RASGRP1: variants seen among roughly 807,000 people sequenced by gnomAD.
RASGRP1 encodes RAS guanyl releasing protein 1, also known as RAS guanyl-releasing protein 1.
Under a neutral mutation model 95.1 loss-of-function variants are expected in RASGRP1, and 37 were observed. The ratio of observed to expected loss-of-function variants is 0.39; its 90% CI spans 0.30 to 0.51. The LOEUF is 0.51. RASGRP1 is among the 20% of genes least tolerant of loss of function. The probability of loss-of-function intolerance (pLI) is 0.80; values close to 1 mark genes in which losing one functional copy is unlikely to be tolerated. For synonymous variants in RASGRP1, 325 were observed against 353.4 expected (o/e 0.92, Z 0.90); for missense variants, 711 against 965.4 (o/e 0.74, Z 3.49).
At chr15:38,524,733 G>A (rs1892137647) in intron 3 of RASGRP1, among the ~76,000 whole-genome samples, 1 of 152,156 alleles carries the variant, frequency 6.6e-6, no homozygotes. Context: ...ACAATGGAAT[G>A]AAGGGGAGGT....
chr15:38,503,576 G>A, intron 10 of RASGRP1, 200 bp from the exon 11 acceptor site: 1 of 588,326 alleles, frequency 1.7e-6, no homozygotes, highest in East Asian at 2.8e-5. Context: ...ACGGTTTCCA[G>A]AGTGCTCTTC....
chr15:38,551,200 A>G lies in RASGRP1; in HGVS notation c.220+8621T>C, dbSNP rs755454456. Among the ~76,000 whole-genome samples, 6 of 152,224 alleles carry G rather than the reference A, an allele frequency of 3.9e-5. 1 individual carries two copies. Among genetic ancestry groups the G allele is most frequent in the Non-Finnish European group, 5.9e-5 (4 of 68,038 alleles). Reference sequence around the variant, plus strand: ...TGAGTTAAAAATTTGTTGGGTTTCTAAGACTCCATCCTAAGAATATTGACT... The same window carrying G: ...TGAGTTAAAAATTTGTTGGGTTTCTGAGACTCCATCCTAAGAATATTGACT... On this transcript the variant is annotated intron_variant, in intron 2 of 16. Transcript: ENST00000310803.
chr15:38,544,714 G>T (rs956542603), intron 2 of RASGRP1, among the ~76,000 whole-genome samples: 1 of 152,212 alleles, frequency 6.6e-6, no homozygotes, highest in African/African-American at 2.4e-5. Context: ...CTGGTATTCT[G>T]TTGCAGCAGC....
Position 38,551,510 on chromosome 15 carries a change from A to G in RASGRP1, c.220+8311T>C, listed in dbSNP as rs143190326. On this transcript the variant is annotated intron_variant, in intron 2 of 16. Coordinates refer to ENST00000310803, the MANE Select transcript of RASGRP1 (RefSeq NM_005739.4). Reference sequence around the variant, plus strand: ...CAAGCTTGTATTGATCATCCACGACAATGTATGATATGGAATTATACACTG... The same window carrying G: ...CAAGCTTGTATTGATCATCCACGACGATGTATGATATGGAATTATACACTG... Among the ~76,000 whole-genome samples, 1,293 of 152,330 alleles carry G rather than the reference A, an allele frequency of 8.5e-3. 15 individuals carry two copies. The highest frequency in any genetic ancestry group is 0.029 in the African/African-American group (1,223 of 41,570).
chr15:38,548,894 A>G (rs1232307150), intron 2 of RASGRP1, among the ~76,000 whole-genome samples: 2 of 152,220 alleles, frequency 1.3e-5, no homozygotes, highest in East Asian at 1.9e-4. Context: ...AGTTACTGAC[A>G]AGGTAATGAG....
chr15:38,557,083 T>G (rs1200884400), intron 2 of RASGRP1, among the ~76,000 whole-genome samples: 1 of 152,228 alleles, frequency 6.6e-6, no homozygotes, highest in Non-Finnish European at 1.5e-5. Flanking sequence ...CCTGAGAAAC[T>G]AACCAGTAAG....
chr15:38,499,994 G>C, intron 14 of RASGRP1, 109 bp downstream of exon 14: 1 of 1,111,592 alleles, frequency 9.0e-7, no homozygotes. Flanking sequence ...GGAACTGTGA[G>C]TCAATTAAAC....
At chr15:38,540,005 T>C (rs1223461231) in intron 2 of RASGRP1, among the ~76,000 whole-genome samples, 1 of 152,124 alleles carries the variant, frequency 6.6e-6, no homozygotes, top group Non-Finnish European at 1.5e-5. Context: ...CACACTTGAC[T>C]TCCTGGGCTC....
intron 7 of RASGRP1, 76 bp downstream of exon 7, chr15:38,512,707 T>C (rs1891584899): frequency 1.7e-5 from 27 of 1,562,076 alleles, no homozygotes; most frequent in Non-Finnish European, 2.4e-5. Context: ...CTCTAATTAA[T>C]AGACTAAGCT....
At chr15:38,543,019 G>A (rs1207972087) in intron 2 of RASGRP1, among the ~76,000 whole-genome samples, 1 of 150,378 alleles carries the variant, frequency 6.6e-6, no homozygotes, top group Admixed American at 6.6e-5. Flanking sequence ...ATCTTTTGAT[G>A]AGAAGTTTTT....
Position 38,559,698 on chromosome 15 carries a change from A to G in RASGRP1, c.220+123T>C. 6.6e-6 allele frequency: 7 copies of G among 1,055,494 alleles called. No individual in the cohort carries two copies. The South Asian group carries it at 9.9e-5, about 15-fold the overall frequency. 65.4% of individuals were successfully genotyped at this position (1,055,494 alleles called of 1,614,324 possible). A position where few individuals can be genotyped will look rare whatever the true frequency, so the allele number is the denominator to read the frequency against. On this transcript the variant is annotated intron_variant, in intron 2 of 16. Transcript: ENST00000310803. The stretch of plus-strand genomic sequence containing the variant: ...CTCTGCAGACTGTCTCCAACATTTC[A>G]AAGGCTCAAAAGCTATTTTTAAAGC...
chr15:38,513,694 T>C (rs1170709050), intron 6 of RASGRP1, among the ~76,000 whole-genome samples: 1 of 152,164 alleles, frequency 6.6e-6, no homozygotes, highest in Non-Finnish European at 1.5e-5. Context: ...TCCCTGAAGA[T>C]CTAGTCTAAG....
intron 8 of RASGRP1, among the ~76,000 whole-genome samples, chr15:38,508,882 CAACATAAGGAGTCCTCT>C (rs1475215533): frequency 3.3e-5 from 5 of 152,180 alleles, no homozygotes; most frequent in Non-Finnish European, 7.3e-5. Context: ...TGTTATCATA[CAACATAAGGAGTCCTCT>C]CTTATCCTTA....
chr15:38,556,121 G>A (rs1259052558), intron 2 of RASGRP1, among the ~76,000 whole-genome samples: 1 of 152,206 alleles, frequency 6.6e-6, no homozygotes, highest in Non-Finnish European at 1.5e-5. Flanking sequence ...AGTGTAACCA[G>A]GTTGTGATGA....
chr15:38,510,067 T>TA (rs1253105803), intron 8 of RASGRP1, among the ~76,000 whole-genome samples: 4 of 152,154 alleles, frequency 2.6e-5, no homozygotes, highest in South Asian at 2.1e-4. Flanking sequence ...GCAAAAATGA[T>TA]AAAGATATTT....
intron 10 of RASGRP1, chr15:38,505,036 A>C (rs540703459): frequency 6.6e-6 from 1 of 152,300 alleles, no homozygotes; most frequent in East Asian, 1.9e-4. Context: ...AATCTACCAA[A>C]TATTTTCAGT....
intron 4 of RASGRP1, 74 bp from the exon 5 acceptor site, chr15:38,518,497 A>T: frequency 1.4e-6 from 2 of 1,461,032 alleles, no homozygotes. Flanking sequence ...TTCCAAAAGG[A>T]ATTTACTGCC....
At position 38,507,956 on chromosome 15, in the gene RASGRP1, C is replaced by T. The variant is rs1346968600; in HGVS notation, c.1012G>A (p.Asp338Asn). 3 of 1,610,226 alleles carry T rather than the reference C, an allele frequency of 1.9e-6. No homozygotes were observed. The highest frequency in any genetic ancestry group is 2.2e-5 in the East Asian group (1 of 44,642). ...TELLSSSRNY[D>N]NYRRAYGECT... ...TCTCCATAGGCTCGCCGGTAATTGT[C>T]GTAGTTTCTGGAGGAGGACAGCAGC... The change falls in exon 9 of 17, where the codon GAC becomes AAC. Residue 338 changes from aspartate to asparagine, a missense_variant. Physicochemically the swap from Asp to Asn is conservative, Grantham distance 23 (BLOSUM62 1). This residue lies in a region of RASGRP1 where 491 missense variants were observed against 676.6 expected (regional missense o/e 0.73). Coordinates refer to ENST00000310803, the MANE Select transcript of RASGRP1 (RefSeq NM_005739.4).
chr15:38,558,449 T>A (rs779675102), intron 2 of RASGRP1, among the ~76,000 whole-genome samples: 10 of 152,200 alleles, frequency 6.6e-5, no homozygotes, highest in Non-Finnish European at 1.5e-4. Flanking sequence ...TACTAAAAAT[T>A]CTTCCTCTTT....
Sources: allele counts gnomAD v4.1 joint callset (sites outside exome capture counted in the v4.1 genomes callset), GRCh38; gene constraint gnomAD v4.1.1; regional missense constraint gnomAD v4.1.1; transcripts MANE v1.5; gene names NCBI Gene and HGNC (gene_info 2026-07-23, HGNC 2026-07-21).